Variants in IQSEC3 observed in about 807,000 individuals in gnomAD.
IQSEC3 encodes IQ motif and Sec7 domain ArfGEF 3, also known as IQ motif and SEC7 domain-containing protein 3.
A neutral mutation model predicts 105.4 loss-of-function variants in IQSEC3; 50 were observed. That is an observed-to-expected ratio of 0.47 (90% CI 0.38 to 0.60). The LOEUF (loss-of-function observed/expected upper bound fraction) is 0.60. IQSEC3 is among the 20% of genes least tolerant of loss of function. The pLI is 0.00. For missense variants in IQSEC3, 1,415 were observed against 1,630.0 expected, an observed-to-expected ratio of 0.87 and a Z score of 2.27; for synonymous variants, 708 against 746.0, an observed-to-expected ratio of 0.95 and a Z score of 0.83.
intron 1 of IQSEC3, among the ~76,000 whole-genome samples, chr12:85,484 A>C (rs1555071818): frequency 6.6e-6 from 1 of 152,180 alleles, no homozygotes. Context: ...CTGGAGTTCA[A>C]AGAACTAGGC....
chr12:67,147 A>T lies in IQSEC3; in HGVS notation c.265A>T (p.Arg89Trp). 6.6e-7 allele frequency: 1 copy of T among 1,517,090 alleles called. No homozygotes were observed. Among genetic ancestry groups the T allele is most frequent in the Non-Finnish European group, 8.8e-7 (1 of 1,139,698 alleles). 94.0% of individuals were successfully genotyped at this position (1,517,090 alleles called of 1,614,324 possible). A position where few individuals can be genotyped will look rare whatever the true frequency, so the allele number is the denominator to read the frequency against. ...APATAPAAAA[R>W]AQEPLQDQGQ... ...GGCCACCGCTCCTGCCGCCGCCGCCAGGGCCCAGGAACCTCTCCAGGACCA... is the reference window on the plus strand; with the variant it reads ...GGCCACCGCTCCTGCCGCCGCCGCCTGGGCCCAGGAACCTCTCCAGGACCA... The change falls in exon 1 of 14, where the codon AGG becomes TGG. Residue 89 changes from arginine to tryptophan, a missense_variant. By Grantham distance (101) the Arg-to-Trp change is moderately radical. Around this residue, in one of 6 missense-constraint regions of IQSEC3, gnomAD observed 3 missense variants for 66.2 expected, o/e 0.05. Coordinates refer to ENST00000538872, the MANE Select transcript of IQSEC3 (RefSeq NM_001170738.2).
intron 2 of IQSEC3, chr12:106,790 G>C (rs1864669209): frequency 6.6e-6 from 1 of 152,090 alleles, no homozygotes; most frequent in Non-Finnish European, 1.5e-5. Context: ...ACTATTTCTT[G>C]TGCTTTGTTT....
intron 3 of IQSEC3, among the ~76,000 whole-genome samples, chr12:129,605 G>GA (rs36126748): frequency 0.35 from 53,058 of 151,896 alleles, 9,314 homozygotes; most frequent in East Asian, 0.37. Flanking sequence ...AGCCCTTTAG[G>GA]AATAGAGGGC....
chr12:160,101 T>A (rs1351421632), intron 7 of IQSEC3, among the ~76,000 whole-genome samples: 3 of 152,166 alleles, frequency 2.0e-5, no homozygotes, highest in Non-Finnish European at 2.9e-5. Flanking sequence ...CCCATCTCGG[T>A]GAAGATGTTA....
chr12:161,135 A>G (rs965892876), intron 7 of IQSEC3, among the ~76,000 whole-genome samples: 4 of 152,266 alleles, frequency 2.6e-5, no homozygotes, highest in African/African-American at 7.2e-5. Context: ...GTGTCCTTTC[A>G]GTAGCTGGGA....
intron 10 of IQSEC3, 86 bp from the exon 11 acceptor site, chr12:165,642 AC>A: frequency 6.4e-7 from 1 of 1,574,450 alleles, no homozygotes; most frequent in Non-Finnish European, 8.7e-7. Flanking sequence ...GAGGCATGAG[AC>A]CCCGTGCCCT....
chr12:99,001 T>C (rs1205258478), intron 1 of IQSEC3, 145 bp from the exon 2 acceptor site: 4 of 663,318 alleles, frequency 6.0e-6, no homozygotes, highest in South Asian at 1.9e-5. Flanking sequence ...CCCAGAGCAG[T>C]GATTGGCTGC....
Position 161,632 on chromosome 12 carries a change from G to A in IQSEC3, c.2444-294G>A, listed in dbSNP as rs997448673. ...CAGGGTTAGCAGGAACATGGAGGCT[G>A]TATCTGCCATCAGGAAAGAGGCCTG... is the stretch of plus-strand genomic sequence containing the variant. On this transcript the variant is annotated intron_variant, in intron 7 of 13. Transcript: ENST00000538872. Among the ~76,000 whole-genome samples the A allele has an allele frequency of 2.0e-5, 3 of 152,210 alleles. No homozygotes were observed. In the South Asian group the frequency reaches 6.2e-4, roughly 32 times the overall value.
chr12:126,492 C>T (rs1159452003), intron 3 of IQSEC3, among the ~76,000 whole-genome samples: 2 of 151,690 alleles, frequency 1.3e-5, no homozygotes, highest in Non-Finnish European at 2.9e-5. Flanking sequence ...CATTGAACCC[C>T]CAAAAAAGAT....
At chr12:164,812 C>T (rs1361925260) in intron 9 of IQSEC3, 1 of 152,514 alleles carries the variant, frequency 6.6e-6, no homozygotes. Context: ...AACGAGCTTT[C>T]ATTTTAGTAG....
chr12:150,519 G>A (rs782149529), intron 5 of IQSEC3, among the ~76,000 whole-genome samples: 3 of 152,156 alleles, frequency 2.0e-5, no homozygotes, highest in Non-Finnish European at 4.4e-5. Flanking sequence ...AATGGATGAG[G>A]GGCTCCTCCA....
intron 3 of IQSEC3, among the ~76,000 whole-genome samples, chr12:131,983 A>G (rs1252154542): frequency 6.6e-6 from 1 of 152,158 alleles, no homozygotes; most frequent in African/African-American, 2.4e-5. Context: ...TGAATAACTT[A>G]TGCTCTGTTG....
At chr12:124,620 C>A (rs57179192) in intron 2 of IQSEC3, among the ~76,000 whole-genome samples, 2,582 of 152,098 alleles carry the variant, frequency 0.017, 46 homozygotes, top group African/African-American at 0.048. Flanking sequence ...GTGTTAACCA[C>A]GATGACTCTC....
In IQSEC3 at chr12:71,268, AAC is replaced by A. The variant is rs1484638876; in HGVS notation, c.554+3833_554+3834del. Among the ~76,000 whole-genome samples, 5 of 152,402 alleles carry A rather than the reference AAC, an allele frequency of 3.3e-5. No individual in the cohort carries two copies. In the East Asian group the frequency reaches 9.6e-4, roughly 29 times the overall value. On this transcript the variant is annotated intron_variant, in intron 1 of 13. Transcript: ENST00000538872. ...TAGCTCATGACTGGCCCATCCTGGA[AAC>A]TATTAAGAAAGAAAGTGTGAAGGTC...
chr12:125,763 C>T lies in IQSEC3; in HGVS notation c.754C>T (p.Arg252Trp), dbSNP rs201602741. 4,374 of 1,510,660 alleles carry T rather than the reference C, an allele frequency of 2.9e-3. 8 individuals carry two copies. The highest frequency in any genetic ancestry group is 3.5e-3 in the Non-Finnish European group (3,968 of 1,136,626). 93.6% of individuals were successfully genotyped at this position (1,510,660 alleles called of 1,614,324 possible). The change falls in exon 3 of 14, where the codon CGG becomes TGG. Residue 252 changes from arginine (R) to tryptophan (W), a missense_variant. By Grantham distance (101) the Arg-to-Trp change is moderately radical. This residue lies in a region of IQSEC3 where 720 missense variants were observed against 633.0 expected (regional missense o/e 1.14). Transcript: ENST00000538872. ...QAQELQEEEE[R>W]PGAGAASPRA... Reference sequence around the variant, plus strand: ...CCAGGAGCTGCAGGAGGAGGAGGAGCGGCCGGGGGCAGGGGCTGCCTCCCC... The same window carrying T: ...CCAGGAGCTGCAGGAGGAGGAGGAGTGGCCGGGGGCAGGGGCTGCCTCCCC...
chr12:121,072 A>C (rs1480759900), intron 2 of IQSEC3, among the ~76,000 whole-genome samples: 2 of 152,208 alleles, frequency 1.3e-5, no homozygotes, highest in Non-Finnish European at 2.9e-5. Flanking sequence ...AAGGGCCTTT[A>C]AGAAGCTGCT....
intron 5 of IQSEC3, 145 bp from the exon 6 acceptor site, chr12:156,880 T>C: frequency 5.3e-5 from 53 of 995,576 alleles, no homozygotes; most frequent in Non-Finnish European, 7.2e-5. Flanking sequence ...GATGGTCCTC[T>C]TGGGGCATTA....
At chr12:82,554 G>A (rs886863383) in intron 1 of IQSEC3, among the ~76,000 whole-genome samples, 6 of 152,120 alleles carry the variant, frequency 3.9e-5, no homozygotes, top group Non-Finnish European at 7.4e-5. Flanking sequence ...ACCGTCCACC[G>A]CAGCAAAGGC....
intron 4 of IQSEC3, chr12:140,324 C>G (rs1475796176): frequency 6.6e-6 from 1 of 152,214 alleles, no homozygotes; most frequent in Non-Finnish European, 1.5e-5. Context: ...CCGGCTCACA[C>G]CAGTAAGGCG....
Sources: gnomAD v4.1 joint callset for allele counts (sites outside exome capture counted in the v4.1 genomes callset) on GRCh38, gnomAD v4.1.1 for gene constraint, gnomAD v4.1.1 regional missense constraint, MANE v1.5 for transcripts, NCBI Gene and HGNC (gene_info 2026-07-23, HGNC 2026-07-21) for gene names.